Variants in GCNT1 observed in about 807,000 individuals in gnomAD.
GCNT1 encodes glucosaminyl (N-acetyl) transferase 1.
A neutral mutation model predicts 26.2 loss-of-function variants in GCNT1; 16 were observed. The observed-to-expected ratio is 0.61, with a 90% CI of 0.41 to 0.93. GCNT1 has a LOEUF of 0.93. GCNT1 is among the 40% of genes least tolerant of loss of function. The pLI, the probability that GCNT1 is intolerant of heterozygous loss-of-function variation, is 0.00. For missense variants in GCNT1, 477 were observed against 526.7 expected, an observed-to-expected ratio of 0.91 and a Z score of 0.92; for synonymous variants, 183 against 190.8, an observed-to-expected ratio of 0.96 and a Z score of 0.34.
At chr9:76,412,069 C>G in the GCNT1 span, among the ~76,000 whole-genome samples, 1 of 152,124 alleles carries the variant, frequency 6.6e-6, no homozygotes, top group South Asian at 2.1e-4. Flanking sequence ...TTACAACTAA[C>G]TGAAGTCCAC....
intron 1 of GCNT1, among the ~76,000 whole-genome samples, chr9:76,453,910 A>G (rs1431749275): frequency 2.0e-5 from 3 of 152,154 alleles, no homozygotes; most frequent in Non-Finnish European, 2.9e-5. Flanking sequence ...AACCAAATCC[A>G]GATCTAGGTA....
intron 1 of GCNT1, among the ~76,000 whole-genome samples, chr9:76,452,343 A>C (rs75213711): frequency 0.089 from 13,547 of 152,250 alleles, 709 homozygotes; most frequent in East Asian, 0.15. Context: ...TCTGTACTAA[A>C]AAAAATTTAC....
intron 1 of GCNT1, among the ~76,000 whole-genome samples, chr9:76,444,822 G>A (rs907245548): frequency 3.3e-5 from 5 of 152,150 alleles, no homozygotes; most frequent in Non-Finnish European, 2.9e-5. Context: ...AGGAACAGGC[G>A]ACAACCACAG....
intron 1 of GCNT1, among the ~76,000 whole-genome samples, chr9:76,447,568 C>T (rs927832472): frequency 4.6e-5 from 7 of 152,080 alleles, no homozygotes; most frequent in South Asian, 2.1e-4. Flanking sequence ...TAGTATATAC[C>T]TCTAACATCT....
chr9:76,411,696 A>G, the GCNT1 span, among the ~76,000 whole-genome samples: 1 of 55,716 alleles, frequency 1.8e-5, no homozygotes, highest in African/African-American at 7.5e-5. Context: ...CATCAATTAT[A>G]CTTTTTTTTT....
At chr9:76,394,508 T>G in the GCNT1 span, 2 of 222,166 alleles carry the variant, frequency 9.0e-6, no homozygotes, top group East Asian at 2.3e-4. Context: ...GCTCCCTTCC[T>G]CAGCCGAACG....
chr9:76,499,391 G>A (rs1825001309), intron 2 of GCNT1, among the ~76,000 whole-genome samples: 1 of 152,132 alleles, frequency 6.6e-6, no homozygotes, highest in South Asian at 2.1e-4. Context: ...GCTTCCCAAA[G>A]TGCTGGGATT....
intron 2 of GCNT1, among the ~76,000 whole-genome samples, chr9:76,468,554 GTC>G (rs1378162109): frequency 6.6e-6 from 1 of 152,184 alleles, no homozygotes; most frequent in East Asian, 1.9e-4. Flanking sequence ...TAGAAGCTTT[GTC>G]GTCCTTTGCC....
the GCNT1 span, among the ~76,000 whole-genome samples, chr9:76,396,110 C>T: frequency 6.4e-4 from 98 of 152,306 alleles, no homozygotes; most frequent in African/African-American, 2.0e-3. Flanking sequence ...TAAATCATCC[C>T]TGGGTCTTAC....
chr9:76,426,469 G>T (rs1215670973), intron 1 of GCNT1, among the ~76,000 whole-genome samples: 5 of 152,122 alleles, frequency 3.3e-5, no homozygotes, highest in African/African-American at 1.2e-4. Flanking sequence ...TCAGGAGGCT[G>T]AGGTGGGAGG....
In GCNT1 at chr9:76,497,706, A is replaced by C. The variant is rs73650238; in HGVS notation, c.-289-3210A>C. Among the ~76,000 whole-genome samples the C allele has an allele frequency of 3.4e-3, 524 of 152,232 alleles. 3 individuals carry two copies. Among genetic ancestry groups the C allele is most frequent in the African/African-American group, 0.012 (500 of 41,544 alleles). On this transcript the variant is annotated intron_variant, in intron 2 of 3. Transcript: ENST00000376730. ...ATTTGGATTTCGAGGTGACCCTTTC[A>C]TGTACCCACATTCCATAAAATCCTG...
the GCNT1 span, among the ~76,000 whole-genome samples, chr9:76,401,507 C>T: frequency 6.6e-6 from 1 of 152,110 alleles, no homozygotes; most frequent in African/African-American, 2.4e-5. Context: ...TACAAATTTA[C>T]TCAATAAGAA....
At chr9:76,397,008 G>A in the GCNT1 span, among the ~76,000 whole-genome samples, 4 of 149,256 alleles carry the variant, frequency 2.7e-5, no homozygotes, top group Non-Finnish European at 6.0e-5. Flanking sequence ...TAGGCCGGGC[G>A]CAGTGGCTCT....
chr9:76,449,358 A>G (rs1823627848), intron 1 of GCNT1, among the ~76,000 whole-genome samples: 1 of 152,186 alleles, frequency 6.6e-6, no homozygotes, highest in South Asian at 2.1e-4. Context: ...AAAGTAAAAA[A>G]GAATGTGCCA....
intron 1 of GCNT1, among the ~76,000 whole-genome samples, chr9:76,454,079 T>C (rs1184045312): frequency 6.6e-6 from 1 of 152,114 alleles, no homozygotes; most frequent in East Asian, 1.9e-4. Context: ...TAGTAAACAA[T>C]GTTAAAAAGA....
At chr9:76,500,518 AAT>A (rs1171004955) in intron 2 of GCNT1, among the ~76,000 whole-genome samples, 2 of 152,176 alleles carry the variant, frequency 1.3e-5, no homozygotes, top group Admixed American at 1.3e-4. Context: ...GTTAGAAGAA[AAT>A]GAGATGAGCA....
chr9:76,396,800 C>T, the GCNT1 span, among the ~76,000 whole-genome samples: 1 of 152,218 alleles, frequency 6.6e-6, no homozygotes, highest in Non-Finnish European at 1.5e-5. Flanking sequence ...GATCACGCCA[C>T]TGCACTCCAT....
chr9:76,440,739 T>C (rs1823472921), upstream of GCNT1, among the ~76,000 whole-genome samples: 1 of 152,162 alleles, frequency 6.6e-6, no homozygotes, highest in African/African-American at 2.4e-5. Flanking sequence ...CCAGACTTGG[T>C]TGCACGTTAG....
At chr9:76,420,634 T>G (rs912192445) in intron 1 of GCNT1, 2 of 152,104 alleles carry the variant, frequency 1.3e-5, no homozygotes, top group Non-Finnish European at 2.9e-5. Context: ...ATTGAGAATA[T>G]GTTTAAGAAT....
Sources: allele counts gnomAD v4.1 joint callset (sites outside exome capture counted in the v4.1 genomes callset), GRCh38; gene constraint gnomAD v4.1.1; transcripts MANE v1.5; gene names NCBI Gene and HGNC (gene_info 2026-07-23, HGNC 2026-07-21).